The following AMPH variants were observed in gnomAD, a reference collection of about 807,000 sequenced individuals.
The protein encoded by AMPH is amphiphysin (Stiff-Mann syndrome with breast cancer 128kD autoantigen).
Under a neutral mutation model 99.1 loss-of-function variants are expected in AMPH, and 49 were observed. The ratio of observed to expected loss-of-function variants is 0.49; its 90% CI spans 0.39 to 0.63. The LOEUF (loss-of-function observed/expected upper bound fraction) is 0.63. Among genes scored for constraint, AMPH ranks in the 20% least tolerant of loss-of-function variants. The probability of loss-of-function intolerance (pLI) is 0.00; values close to 1 mark genes in which losing one functional copy is unlikely to be tolerated. For missense variants in AMPH, 759 were observed against 863.4 expected (o/e 0.88, Z 1.52); for synonymous variants, 314 against 317.3 (o/e 0.99, Z 0.11).
chr7:38,466,044 TA>T (rs1787638658), intron 8 of AMPH, 128 bp downstream of exon 8: 1 of 710,922 alleles, frequency 1.4e-6, no homozygotes, highest in Admixed American at 3.1e-5. Context: ...TCGAGGGTAA[TA>T]ACACACTGCT....
chr7:38,622,735 G>T (rs1584317038), intron 1 of AMPH, among the ~76,000 whole-genome samples: 1 of 152,152 alleles, frequency 6.6e-6, no homozygotes, highest in African/African-American at 2.4e-5. Flanking sequence ...TTGGGGGAGG[G>T]GGAATTTGTA....
At chr7:38,474,446 T>G (rs1271202256) in intron 7 of AMPH, among the ~76,000 whole-genome samples, 1 of 152,096 alleles carries the variant, frequency 6.6e-6, no homozygotes, top group Non-Finnish European at 1.5e-5. Flanking sequence ...TGCCTTTTAT[T>G]GGCAAAAATT....
intron 17 of AMPH, among the ~76,000 whole-genome samples, chr7:38,396,372 T>C (rs1459229969): frequency 6.6e-6 from 1 of 152,216 alleles, no homozygotes; most frequent in Non-Finnish European, 1.5e-5. Flanking sequence ...CTGCCATCCA[T>C]GTAAGATGTG....
intron 9 of AMPH, 42 bp downstream of exon 9, chr7:38,465,425 G>A (rs722334): frequency 0.57 from 864,615 of 1,517,232 alleles, 249,306 homozygotes; most frequent in African/African-American, 0.73. Context: ...AGAAATTTTA[G>A]CAAGCAGGAC....
At chr7:38,589,758 G>A (rs148888211) in intron 1 of AMPH, among the ~76,000 whole-genome samples, 111 of 152,238 alleles carry the variant, frequency 7.3e-4, no homozygotes, top group African/African-American at 2.6e-3. Context: ...AGTTTAGTTT[G>A]GCGTAAACAC....
chr7:38,507,980 TATATTA>T (rs1464865778), intron 2 of AMPH, among the ~76,000 whole-genome samples: 2 of 152,226 alleles, frequency 1.3e-5, no homozygotes, highest in East Asian at 1.9e-4. Context: ...AGCGCTGCAA[TATATTA>T]ATATTAGTAA....
At chr7:38,444,272 C>A (rs1415345865) in intron 11 of AMPH, among the ~76,000 whole-genome samples, 1 of 152,148 alleles carries the variant, frequency 6.6e-6, no homozygotes, top group African/African-American at 2.4e-5. Context: ...GATTCAATAT[C>A]TGTACTGCTT....
At chr7:38,480,552 G>A (rs1788248782) in intron 5 of AMPH, among the ~76,000 whole-genome samples, 1 of 152,110 alleles carries the variant, frequency 6.6e-6, no homozygotes, top group African/African-American at 2.4e-5. Flanking sequence ...TGAGAGGTGG[G>A]TTGGGGCAGT....
chr7:38,503,642 C>T lies in AMPH; in HGVS notation c.205+8G>A. On this transcript the variant is annotated splice_region_variant and intron_variant, in intron 3 of 20. Coordinates refer to ENST00000356264, the MANE Select transcript of AMPH (RefSeq NM_001635.4). ...AGTAACATGCAGTAAACAACTCATA[C>T]ACATTACCTTTGATTGCTGCTAAAT... is the stretch of plus-strand genomic sequence containing the variant. The T allele has an allele frequency of 6.2e-7, 1 of 1,613,614 alleles. No homozygotes were observed. The highest frequency in any genetic ancestry group is 1.1e-5 in the South Asian group (1 of 91,064).
chr7:38,541,017 T>TAA (rs60200785), intron 1 of AMPH, among the ~76,000 whole-genome samples: 14 of 97,634 alleles, frequency 1.4e-4, no homozygotes, highest in African/African-American at 3.8e-4. Flanking sequence ...TTTCTGTTCT[T>TAA]AAAAAAAAAA....
At chr7:38,563,134 G>GATGAATGA (rs10665097) in intron 1 of AMPH, among the ~76,000 whole-genome samples, 13,079 of 150,504 alleles carry the variant, frequency 0.087, 708 homozygotes, top group East Asian at 0.17. Context: ...AGCACTGAAT[G>GATGAATGA]ATGAATGAAT....
intron 5 of AMPH, among the ~76,000 whole-genome samples, chr7:38,480,630 G>T (rs1410951470): frequency 6.6e-6 from 1 of 152,118 alleles, no homozygotes; most frequent in Non-Finnish European, 1.5e-5. Flanking sequence ...TAGTATACTA[G>T]CAGAAAGCAT....
intron 1 of AMPH, among the ~76,000 whole-genome samples, chr7:38,542,587 A>G (rs1790844333): frequency 6.6e-6 from 1 of 152,214 alleles, no homozygotes; most frequent in African/African-American, 2.4e-5. Flanking sequence ...GAAATTCGCC[A>G]CAGAACGGGT....
chr7:38,447,620 T>C (rs933355143), intron 11 of AMPH, among the ~76,000 whole-genome samples: 2 of 152,024 alleles, frequency 1.3e-5, no homozygotes, highest in Non-Finnish European at 2.9e-5. Context: ...ACACAACACA[T>C]TTTCTGAGGA....
chr7:38,475,306 G>A, intron 7 of AMPH, 25 bp downstream of exon 7: 1 of 1,496,734 alleles, frequency 6.7e-7, no homozygotes. Flanking sequence ...AGGAACATGT[G>A]CAACCCATAG....
Position 38,631,310 on chromosome 7 carries a change from C to T in AMPH, c.42G>A (p.Gln14=), listed in dbSNP as rs1394437981. ...TTTCCTGCGCGCGGTTGAGTCGCTTCTGGACGTTCTTGGCGAAGATGCCCG... is the reference window on the plus strand; with the variant it reads ...TTTCCTGCGCGCGGTTGAGTCGCTTTTGGACGTTCTTGGCGAAGATGCCCG... ...IKTGIFAKNV[Q]KRLNRAQEKV... The change falls in exon 1 of 21, where the codon CAG becomes CAA. Residue 14 remains glutamine, a synonymous_variant. Transcript: ENST00000356264. 3.2e-6 allele frequency: 5 copies of T among 1,543,590 alleles called. No homozygotes were observed. The highest frequency in any genetic ancestry group is 4.4e-6 in the Non-Finnish European group (5 of 1,145,152).
chr7:38,407,618 T>A (rs986826), intron 17 of AMPH, among the ~76,000 whole-genome samples: 99,525 of 151,784 alleles, frequency 0.66, 33,451 homozygotes, highest in East Asian at 0.94. Context: ...AAATAAAATT[T>A]AAAAATTTTA....
chr7:38,406,731 C>CCTCTCTCTCTCTCTCTCTCT (rs56738810), intron 17 of AMPH, among the ~76,000 whole-genome samples: 32 of 80,470 alleles, frequency 4.0e-4, no homozygotes, highest in African/African-American at 1.1e-3. Context: ...TCTCCCTTTC[C>CCTCTCTCTCTCTCTCTCTCT]CTCTCTCTCT....
At chr7:38,480,897 T>A in intron 5 of AMPH, among the ~76,000 whole-genome samples, 1 of 152,180 alleles carries the variant, frequency 6.6e-6, no homozygotes, top group East Asian at 1.9e-4. Context: ...ATCTTCCAAG[T>A]AGCAAATCTT....
Sources: allele counts gnomAD v4.1 joint callset (sites outside exome capture counted in the v4.1 genomes callset), GRCh38; gene constraint gnomAD v4.1.1; transcripts MANE v1.5; gene names NCBI Gene and HGNC (gene_info 2026-07-23, HGNC 2026-07-21).